Variants in COQ5 observed in about 807,000 individuals in gnomAD.
The protein encoded by COQ5 is coenzyme Q5, methyltransferase, also known as 2-methoxy-6-polyprenyl-1,4-benzoquinol methylase, mitochondrial.
A neutral mutation model predicts 40.5 loss-of-function variants in COQ5; 27 were observed. The ratio of observed to expected loss-of-function variants is 0.67; its 90% confidence interval spans 0.49 to 0.92. COQ5 has a LOEUF of 0.92. Ranked by LOEUF, COQ5 falls within the 40% of genes least tolerant of loss-of-function variation. COQ5 has a pLI of 0.00. For missense variants in COQ5, 409 were observed against 406.4 expected, an observed-to-expected ratio of 1.01 and a Z score of -0.06; for synonymous variants, 141 against 150.0, an observed-to-expected ratio of 0.94 and a Z score of 0.44.
At chr12:120,528,026 A>AAAAAAAACCC (rs1870042605) in intron 1 of COQ5, among the ~76,000 whole-genome samples, 2 of 109,604 alleles carry the variant, frequency 1.8e-5, no homozygotes, top group Non-Finnish European at 3.9e-5. Context: ...AAAAAAAGAA[A>AAAAAAAACCC]CCCCGTCTCT....
At chr12:120,524,773 C>T (rs150738316) in intron 1 of COQ5, among the ~76,000 whole-genome samples, 294 of 152,112 alleles carry the variant, frequency 1.9e-3, no homozygotes, top group African/African-American at 6.5e-3. Flanking sequence ...CAAACTTCAA[C>T]GCCTATTCTC....
At chr12:120,507,948 C>T (rs974607948) in intron 4 of COQ5, among the ~76,000 whole-genome samples, 1 of 151,754 alleles carries the variant, frequency 6.6e-6, no homozygotes, top group Non-Finnish European at 1.5e-5. Context: ...TATGTACTTA[C>T]AAGGAAAAAT....
intron 3 of COQ5, among the ~76,000 whole-genome samples, chr12:120,514,706 GTAC>G (rs1869300157): frequency 6.6e-6 from 1 of 151,698 alleles, no homozygotes; most frequent in African/African-American, 2.4e-5. Context: ...TCGCTCCACT[GTAC>G]TCCATCCTGG....
At chr12:120,523,382 G>T in intron 1 of COQ5, 2 of 371,080 alleles carry the variant, frequency 5.4e-6, no homozygotes, top group South Asian at 2.4e-5. Flanking sequence ...GGGGTTTCTT[G>T]ATACCATTTC....
chr12:120,509,954 G>A, intron 4 of COQ5, 63 bp downstream of exon 4: 1 of 1,287,346 alleles, frequency 7.8e-7, no homozygotes, highest in Non-Finnish European at 1.1e-6. Flanking sequence ...CTCACTCACT[G>A]TAGCTCTACA....
intron 4 of COQ5, among the ~76,000 whole-genome samples, chr12:120,506,812 T>C (rs531210454): frequency 2.6e-5 from 4 of 152,260 alleles, no homozygotes; most frequent in South Asian, 4.1e-4. Flanking sequence ...GCTCAACTCA[T>C]TGGGATGCAT....
At chr12:120,527,524 A>G (rs1186532614) in intron 1 of COQ5, 1 of 152,194 alleles carries the variant, frequency 6.6e-6, no homozygotes, top group Non-Finnish European at 1.5e-5. Context: ...GTATGACTTC[A>G]GCTTGCACAT....
chr12:120,511,128 GCA>G (rs1869118823), intron 3 of COQ5, among the ~76,000 whole-genome samples: 2 of 151,912 alleles, frequency 1.3e-5, no homozygotes, highest in Admixed American at 1.3e-4. Context: ...GTGGTGGCAT[GCA>G]CCTGTAGTCC....
At chr12:120,518,565 T>C (rs557704898) in intron 2 of COQ5, among the ~76,000 whole-genome samples, 2 of 151,332 alleles carry the variant, frequency 1.3e-5, no homozygotes, top group South Asian at 4.2e-4. Context: ...TTATTTTATA[T>C]CTTTTTTTTT....
chr12:120,511,404 T>A (rs927807426), intron 3 of COQ5, among the ~76,000 whole-genome samples: 10 of 152,158 alleles, frequency 6.6e-5, no homozygotes, highest in African/African-American at 2.4e-4. Flanking sequence ...TTTAGATAGA[T>A]TATCTTAGTA....
chr12:120,521,679 CAAAA>C (rs71076625), intron 2 of COQ5, among the ~76,000 whole-genome samples: 4 of 114,106 alleles, frequency 3.5e-5, no homozygotes, highest in Non-Finnish European at 3.7e-5. Context: ...ACTCCATCTC[CAAAA>C]AAAAAAAAAA....
At chr12:120,522,677 G>A (rs1021386703) in intron 1 of COQ5, 10 of 656,220 alleles carry the variant, frequency 1.5e-5, no homozygotes, top group Non-Finnish European at 2.4e-5. Flanking sequence ...TGAAGCCTTC[G>A]TAGGTGTCCG....
chr12:120,504,975 C>T lies in COQ5; in HGVS notation c.690G>A (p.Gln230=). Reference sequence around the variant, plus strand: ...CTGGTTTCAGCACCCGATGAGCTTCCTGGAGTGCCTGAGCAAGACAAGGAA... The same window carrying T: ...CTGGTTTCAGCACCCGATGAGCTTCTTGGAGTGCCTGAGCAAGACAAGGAA... The part of the protein sequence containing the change: ...RNVTHIDQAL[Q]EAHRVLKPGG... The change falls in exon 5 of 7, where the codon CAG becomes CAA. Residue 230 remains glutamine, a synonymous_variant. Coordinates refer to ENST00000288532, the MANE Select transcript of COQ5 (RefSeq NM_032314.4). 6.2e-7 allele frequency: 1 copy of T among 1,614,078 alleles called. No homozygotes were observed. Among genetic ancestry groups the T allele is most frequent in the Non-Finnish European group, 8.5e-7 (1 of 1,179,954 alleles).
At position 120,517,877 on chromosome 12, in the gene COQ5, A is replaced by G. The variant is rs189150405; in HGVS notation, c.353-1089T>C. On this transcript the variant is annotated intron_variant, in intron 2 of 6. Coordinates refer to ENST00000288532, the MANE Select transcript of COQ5 (RefSeq NM_032314.4). ...GGCTGGAGTGCAATGGCGCGATCTG[A>G]GCTCACTGCAACCTCTGCCTCCCAG... is the stretch of plus-strand genomic sequence containing the variant. Among the ~76,000 whole-genome samples the G allele has an allele frequency of 8.0e-5, 12 of 150,162 alleles. No individual in the cohort carries two copies. The East Asian group carries it at 2.2e-3, about 28-fold the overall frequency.
At chr12:120,505,843 A>G (rs1335536728) in intron 4 of COQ5, among the ~76,000 whole-genome samples, 4 of 148,808 alleles carry the variant, frequency 2.7e-5, no homozygotes, top group African/African-American at 1.0e-4. Flanking sequence ...GGTGTGAGCC[A>G]CCGCACCCAG....
chr12:120,504,612 G>T, intron 5 of COQ5: 1 of 387,986 alleles, frequency 2.6e-6, no homozygotes, highest in Non-Finnish European at 4.9e-6. Context: ...GAGTAGCAAC[G>T]TTATTGCCAC....
At chr12:120,505,690 A>G (rs1192848877) in intron 4 of COQ5, among the ~76,000 whole-genome samples, 2 of 149,256 alleles carry the variant, frequency 1.3e-5, no homozygotes, top group African/African-American at 5.0e-5. Flanking sequence ...CCGAGTAGCT[A>G]GGATTACAGG....
chr12:120,528,907 G>A (rs755392332), intron 1 of COQ5, 33 bp downstream of exon 1: 2 of 1,596,270 alleles, frequency 1.3e-6, no homozygotes, highest in Non-Finnish European at 1.7e-6. Context: ...TGGACGGTCA[G>A]ATCCCTCCCA....
rs1868768121 is a variant in COQ5, at chr12:120,504,014, A to C, written c.838T>G (p.Ser280Ala). The change falls in exon 6 of 7, where the codon TCC (serine) becomes GCC (alanine). Residue 280 changes from serine (S) to alanine (A), a missense_variant. Ser to Ala is a moderately conservative substitution (Grantham distance 99). Transcript: ENST00000288532. ...ATACTCTCTACAAGGTACTGATAGG[A>C]CTTCCAGTCTCCAGCGATGACCTCT... ...LGEVIAGDWK[S>A]YQYLVESIRR... The C allele has an allele frequency of 6.2e-7, 1 of 1,613,754 alleles. No homozygotes were observed. Among genetic ancestry groups the C allele is most frequent in the Non-Finnish European group, 8.5e-7 (1 of 1,179,652 alleles).
Sources: gnomAD v4.1 joint callset for allele counts (sites outside exome capture counted in the v4.1 genomes callset) on GRCh38, gnomAD v4.1.1 for gene constraint, MANE v1.5 for transcripts, NCBI Gene and HGNC (gene_info 2026-07-23, HGNC 2026-07-21) for gene names.